SPOCK1: variants seen among roughly 807,000 people sequenced by gnomAD.
SPOCK1 encodes testican-1.
A neutral mutation model predicts 55.3 loss-of-function variants in SPOCK1; 23 were observed. That is an observed-to-expected ratio of 0.42 (90% CI 0.30 to 0.59). The LOEUF is 0.59. Ranked by LOEUF, SPOCK1 falls within the 20% of genes least tolerant of loss-of-function variation. The pLI, the probability that SPOCK1 is intolerant of heterozygous loss-of-function variation, is 0.22. For missense variants in SPOCK1, 499 were observed against 552.5 expected (o/e 0.90, Z 0.97); for synonymous variants, 226 against 221.0 (o/e 1.02, Z -0.20).
rs139796833 is a variant in SPOCK1 at position 137,282,707 on chromosome 5, A to G, written c.187-15652T>C. ...ATCATTTGGGCCAGAGAAAATCTCC[A>G]GTTTCTTCCTCCCGGTCCCTGCCAT... On this transcript the variant is annotated intron_variant, in intron 2 of 10. Coordinates refer to ENST00000394945, the MANE Select transcript of SPOCK1 (RefSeq NM_004598.4). Among the ~76,000 whole-genome samples the G allele has an allele frequency of 4.1e-3, 630 of 152,342 alleles. 3 individuals carry two copies. Among genetic ancestry groups the G allele is most frequent in the African/African-American group, 0.015 (608 of 41,572 alleles).
intron 4 of SPOCK1, among the ~76,000 whole-genome samples, chr5:137,131,967 G>A (rs1418390680): frequency 1.4e-4 from 4 of 27,756 alleles, no homozygotes; most frequent in South Asian, 1.2e-3. Flanking sequence ...GCGAGACTCC[G>A]TCTCAAAAAA....
At chr5:137,491,461 A>G (rs1392397387) in intron 2 of SPOCK1, among the ~76,000 whole-genome samples, 1 of 152,154 alleles carries the variant, frequency 6.6e-6, no homozygotes, top group African/African-American at 2.4e-5. Context: ...CACTTGCCAC[A>G]GGTGTGGAAA....
intron 3 of SPOCK1, among the ~76,000 whole-genome samples, chr5:137,219,251 G>C (rs940939107): frequency 3.3e-5 from 5 of 152,196 alleles, no homozygotes; most frequent in African/African-American, 1.2e-4. Flanking sequence ...TTGCAGAGTG[G>C]TAAGTAAGCA....
intron 3 of SPOCK1, among the ~76,000 whole-genome samples, chr5:137,219,861 G>A (rs1206307050): frequency 2.0e-5 from 3 of 152,168 alleles, no homozygotes; most frequent in East Asian, 1.9e-4. Flanking sequence ...GGGCCTCCAT[G>A]GTGTCTTTTA....
intron 2 of SPOCK1, among the ~76,000 whole-genome samples, chr5:137,335,343 A>T (rs1750234617): frequency 6.6e-6 from 1 of 152,370 alleles, no homozygotes; most frequent in East Asian, 1.9e-4. Flanking sequence ...CATTGGCTTC[A>T]GAGGAATAAG....
At chr5:137,403,841 G>A (rs747122033) in intron 2 of SPOCK1, among the ~76,000 whole-genome samples, 1 of 152,106 alleles carries the variant, frequency 6.6e-6, no homozygotes. Context: ...CCTGCGAGAC[G>A]GGGTGGGTAC....
At chr5:137,141,422 T>C (rs1294310187) in intron 3 of SPOCK1, among the ~76,000 whole-genome samples, 1 of 152,246 alleles carries the variant, frequency 6.6e-6, no homozygotes, top group Admixed American at 6.5e-5. Context: ...GTTTTTTGCT[T>C]CCATTCAATA....
At chr5:137,187,965 T>C (rs1755106831) in intron 3 of SPOCK1, among the ~76,000 whole-genome samples, 1 of 151,622 alleles carries the variant, frequency 6.6e-6, no homozygotes, top group African/African-American at 2.4e-5. Flanking sequence ...AGAACGGGAG[T>C]TTTTAGAAGG....
chr5:137,271,701 C>T (rs1396987747), intron 2 of SPOCK1, among the ~76,000 whole-genome samples: 1 of 152,072 alleles, frequency 6.6e-6, no homozygotes, highest in African/African-American at 2.4e-5. Flanking sequence ...ATTTAATCTC[C>T]AAGGAATGTC....
chr5:137,141,076 C>T (rs1171578038), intron 3 of SPOCK1, among the ~76,000 whole-genome samples: 1 of 152,122 alleles, frequency 6.6e-6, no homozygotes. Flanking sequence ...TCTATTTCTA[C>T]TTAAATAAAC....
intron 2 of SPOCK1, among the ~76,000 whole-genome samples, chr5:137,281,144 T>C (rs1176092756): frequency 6.6e-6 from 1 of 152,242 alleles, no homozygotes; most frequent in East Asian, 1.9e-4. Flanking sequence ...ATTTATTCAT[T>C]CAATCATTGA....
At chr5:137,468,915 T>G (rs909409090) in intron 2 of SPOCK1, among the ~76,000 whole-genome samples, 1 of 152,064 alleles carries the variant, frequency 6.6e-6, no homozygotes, top group African/African-American at 2.4e-5. Context: ...CTCACCCACC[T>G]CATCACAATT....
chr5:137,094,238 T>C (rs976489864), intron 5 of SPOCK1, among the ~76,000 whole-genome samples: 1 of 152,094 alleles, frequency 6.6e-6, no homozygotes, highest in African/African-American at 2.4e-5. Flanking sequence ...TTTGGACACA[T>C]TGAATGTGAG....
At position 136,985,190 on chromosome 5, in the gene SPOCK1, T is replaced by C. The variant is rs973688067; in HGVS notation, c.941A>G (p.Gln314Arg). 4.3e-6 allele frequency: 7 copies of C among 1,614,058 alleles called. No individual in the cohort carries two copies. Among genetic ancestry groups the C allele is most frequent in the African/African-American group, 4.0e-5 (3 of 74,948 alleles). Residue 314 changes from glutamine to arginine, a missense_variant, in exon 9 of 11, where the codon CAG becomes CGG. Gln to Arg is a conservative substitution (Grantham distance 43). Coordinates refer to ENST00000394945, the MANE Select transcript of SPOCK1 (RefSeq NM_004598.4). ...CFQKPGGLPC[Q>R]NEMNRIQKLS... is the part of the protein sequence containing the mutation. Reference sequence around the variant, plus strand: ...CTTCTGAATTCTGTTCATTTCATTCTGGCAAGGGAGACCTAAAAAATAATT... The same window carrying C: ...CTTCTGAATTCTGTTCATTTCATTCCGGCAAGGGAGACCTAAAAAATAATT...
At chr5:137,018,887 A>C (rs1193067137) in intron 6 of SPOCK1, among the ~76,000 whole-genome samples, 1 of 152,218 alleles carries the variant, frequency 6.6e-6, no homozygotes, top group Non-Finnish European at 1.5e-5. Flanking sequence ...ATATATAAAA[A>C]GTTCTTTCAA....
chr5:137,194,488 G>C (rs1478602452), intron 3 of SPOCK1, among the ~76,000 whole-genome samples: 1 of 152,110 alleles, frequency 6.6e-6, no homozygotes, highest in African/African-American at 2.4e-5. Flanking sequence ...AAAGTGCCAA[G>C]AGCTGAGGGT....
intron 2 of SPOCK1, among the ~76,000 whole-genome samples, chr5:137,436,659 A>T (rs1018283591): frequency 5.3e-5 from 8 of 152,196 alleles, no homozygotes; most frequent in African/African-American, 1.7e-4. Context: ...CCCAGCTGAG[A>T]TGCTGATTGG....
intron 2 of SPOCK1, among the ~76,000 whole-genome samples, chr5:137,413,304 C>G (rs1170172156): frequency 6.6e-6 from 1 of 152,154 alleles, no homozygotes; most frequent in Non-Finnish European, 1.5e-5. Context: ...TACACAAACA[C>G]TAATTCTCTT....
At chr5:137,193,014 G>A (rs1158511924) in intron 3 of SPOCK1, among the ~76,000 whole-genome samples, 1 of 152,174 alleles carries the variant, frequency 6.6e-6, no homozygotes, top group Non-Finnish European at 1.5e-5. Flanking sequence ...GTTTTTGTAA[G>A]TAAAAGCTCT....
Sources: gnomAD v4.1 joint callset for allele counts (sites outside exome capture counted in the v4.1 genomes callset) on GRCh38, gnomAD v4.1.1 for gene constraint, MANE v1.5 for transcripts, NCBI Gene and HGNC (gene_info 2026-07-23, HGNC 2026-07-21) for gene names.